Variants in GRID1 observed in about 807,000 individuals in gnomAD.
GRID1 encodes the protein glutamate ionotropic receptor delta type subunit 1, also known as glutamate receptor ionotropic, delta-1.
Under a neutral mutation model 98.0 loss-of-function variants are expected in GRID1, and 28 were observed. The observed-to-expected ratio is 0.29, with a 90% CI of 0.21 to 0.39. The LOEUF (loss-of-function observed/expected upper bound fraction) is 0.39, where lower values mean the gene tolerates loss of function less well. Ranked by LOEUF, GRID1 falls within the 10% of genes least tolerant of loss-of-function variation. The pLI, the probability that GRID1 is intolerant of heterozygous loss-of-function variation, is 1.00. For missense variants in GRID1, 1,111 were observed against 1,340.5 expected, an observed-to-expected ratio of 0.83 and a Z score of 2.67; for synonymous variants, 553 against 538.5, an observed-to-expected ratio of 1.03 and a Z score of -0.37.
At chr10:86,283,610 G>A (rs949275229) in intron 2 of GRID1, among the ~76,000 whole-genome samples, 1 of 149,058 alleles carries the variant, frequency 6.7e-6, no homozygotes, top group Non-Finnish European at 1.5e-5. Flanking sequence ...TGCAAATAAG[G>A]TGTGTACCTG....
At chr10:86,121,828 C>A (rs1315357885) in intron 4 of GRID1, among the ~76,000 whole-genome samples, 1 of 152,144 alleles carries the variant, frequency 6.6e-6, no homozygotes, top group East Asian at 1.9e-4. Flanking sequence ...ATAACTTGCC[C>A]ACAGCCACCA....
At chr10:86,340,135 G>A (rs1848289471) in intron 2 of GRID1, among the ~76,000 whole-genome samples, 1 of 152,072 alleles carries the variant, frequency 6.6e-6, no homozygotes, top group Non-Finnish European at 1.5e-5. Context: ...CAGGGGAGAA[G>A]GTCAAGCAGC....
chr10:85,632,704 G>A (rs188818034), intron 13 of GRID1, among the ~76,000 whole-genome samples: 47 of 152,040 alleles, frequency 3.1e-4, no homozygotes, highest in Admixed American at 2.2e-3. Flanking sequence ...CCACCACACC[G>A]GGCTAATTTT....
intron 4 of GRID1, among the ~76,000 whole-genome samples, chr10:86,036,976 G>C (rs915722222): frequency 9.2e-5 from 14 of 152,230 alleles, no homozygotes; most frequent in Non-Finnish European, 1.5e-5. Flanking sequence ...ACAGCACAGT[G>C]TGTTCCCTGA....
intron 4 of GRID1, among the ~76,000 whole-genome samples, chr10:86,054,097 T>C (rs909069891): frequency 2.6e-5 from 4 of 152,246 alleles, no homozygotes; most frequent in Non-Finnish European, 4.4e-5. Flanking sequence ...CACTTAACTC[T>C]CATGACCCCC....
chr10:85,990,115 T>G (rs1281096369), intron 4 of GRID1, among the ~76,000 whole-genome samples: 1 of 152,206 alleles, frequency 6.6e-6, no homozygotes, highest in Non-Finnish European at 1.5e-5. Context: ...CTATGGTATT[T>G]TTGTTATAAC....
chr10:85,861,542 A>G (rs1438171836), intron 6 of GRID1, among the ~76,000 whole-genome samples: 1 of 152,148 alleles, frequency 6.6e-6, no homozygotes, highest in African/African-American at 2.4e-5. Context: ...TGTGTGGTGG[A>G]GGGTGGAGGG....
chr10:86,349,209 T>C (rs1848430506), intron 2 of GRID1, among the ~76,000 whole-genome samples: 1 of 152,186 alleles, frequency 6.6e-6, no homozygotes, highest in Non-Finnish European at 1.5e-5. Context: ...AAAGAGGCAG[T>C]GGCCAGGACC....
chr10:85,834,873 G>A (rs1842898921), intron 8 of GRID1, among the ~76,000 whole-genome samples: 1 of 152,102 alleles, frequency 6.6e-6, no homozygotes, highest in African/African-American at 2.4e-5. Context: ...TCTTAAGGAT[G>A]TAAATATGCC....
chr10:86,159,895 C>T (rs1246088484), intron 3 of GRID1, among the ~76,000 whole-genome samples: 2 of 152,134 alleles, frequency 1.3e-5, no homozygotes, highest in Non-Finnish European at 2.9e-5. Flanking sequence ...TAGAATAGTA[C>T]CTAGCAAGTG....
At chr10:85,918,062 TG>T (rs1336482990) in intron 4 of GRID1, among the ~76,000 whole-genome samples, 3 of 152,250 alleles carry the variant, frequency 2.0e-5, no homozygotes, top group African/African-American at 7.2e-5. Flanking sequence ...AGCGCATCGC[TG>T]GGCTCTAGCT....
At chr10:86,028,959 C>T (rs1843150972) in intron 4 of GRID1, among the ~76,000 whole-genome samples, 2 of 152,166 alleles carry the variant, frequency 1.3e-5, no homozygotes, top group African/African-American at 4.8e-5. Context: ...CTTACAGCAA[C>T]CCTTCTGATG....
At chr10:85,758,423 G>A (rs1842118653) in intron 8 of GRID1, among the ~76,000 whole-genome samples, 1 of 152,114 alleles carries the variant, frequency 6.6e-6, no homozygotes, top group Non-Finnish European at 1.5e-5. Context: ...AAGTTGGTGG[G>A]GCTGTGGTTT....
At position 86,327,892 on chromosome 10, in the gene GRID1, T is replaced by C. The variant is rs185081792; in HGVS notation, c.235+36049A>G. 7.6e-4 allele frequency among the ~76,000 whole-genome samples: 116 copies of C among 152,370 alleles called. 1 individual carries two copies. The highest frequency in any genetic ancestry group is 2.4e-3 in the African/African-American group (101 of 41,580). On this transcript the variant is annotated intron_variant, in intron 2 of 15. Coordinates refer to ENST00000327946, the MANE Select transcript of GRID1 (RefSeq NM_017551.3). ...ATTTTTAAATTAAATGTGCATGTTA[T>C]TCAGACAAGCAATTCCACAACTTAG... is the stretch of plus-strand genomic sequence containing the variant.
At chr10:85,697,020 T>G (rs1464739904) in intron 12 of GRID1, among the ~76,000 whole-genome samples, 2 of 152,126 alleles carry the variant, frequency 1.3e-5, no homozygotes, top group African/African-American at 2.4e-5. Context: ...TTAAATTTAC[T>G]GAGATTTAAT....
intron 5 of GRID1, among the ~76,000 whole-genome samples, chr10:85,888,886 T>G (rs1296669367): frequency 1.3e-5 from 2 of 152,182 alleles, no homozygotes; most frequent in Non-Finnish European, 2.9e-5. Flanking sequence ...CAAAACTCCA[T>G]TTCACCCATC....
intron 4 of GRID1, among the ~76,000 whole-genome samples, chr10:85,938,379 T>C (rs960209625): frequency 2.0e-5 from 3 of 152,186 alleles, no homozygotes; most frequent in African/African-American, 7.2e-5. Context: ...AATACAACGT[T>C]CTCCAATTTT....
chr10:85,914,381 G>A (rs1384436422), intron 5 of GRID1, among the ~76,000 whole-genome samples: 1 of 152,148 alleles, frequency 6.6e-6, no homozygotes, highest in East Asian at 1.9e-4. Context: ...GGAATGCATC[G>A]TTTCTTTGGA....
intron 12 of GRID1, among the ~76,000 whole-genome samples, chr10:85,692,433 G>A (rs1841343411): frequency 6.6e-6 from 1 of 152,110 alleles, no homozygotes; most frequent in African/African-American, 2.4e-5. Context: ...AGGCTGAGGT[G>A]GGTGGATTGC....
Sources: gnomAD v4.1 joint callset for allele counts (sites outside exome capture counted in the v4.1 genomes callset) on GRCh38, gnomAD v4.1.1 for gene constraint, MANE v1.5 for transcripts, NCBI Gene and HGNC (gene_info 2026-07-23, HGNC 2026-07-21) for gene names.